The following FAM184A variants were observed in gnomAD, a reference collection of about 807,000 sequenced individuals.
FAM184A encodes protein FAM184A.
FAM184A carries 99 observed loss-of-function variants against 143.8 expected under a neutral mutation model. That is an observed-to-expected ratio of 0.69 (90% CI 0.58 to 0.81). The LOEUF (loss-of-function observed/expected upper bound fraction) is 0.81. Among genes scored for constraint, FAM184A ranks in the 40% least tolerant of loss-of-function variants. The pLI, the probability that FAM184A is intolerant of heterozygous loss-of-function variation, is 0.00. For missense variants in FAM184A, 1,217 were observed against 1,310.5 expected (o/e 0.93, Z 1.10); for synonymous variants, 427 against 446.4 (o/e 0.96, Z 0.55).
At chr6:118,997,216 C>T (rs1221859809) in intron 9 of FAM184A, among the ~76,000 whole-genome samples, 2 of 149,828 alleles carry the variant, frequency 1.3e-5, no homozygotes, top group Non-Finnish European at 1.5e-5. Flanking sequence ...GCCTGGCCAA[C>T]GTGGCAAAAC....
At position 118,983,433 on chromosome 6, in the gene FAM184A, A is replaced by G. The variant is rs77321407; in HGVS notation, c.2089-3083T>C. ...GGCAATTTTGGTAAGTATTTTTATT[A>G]CAGAATTATAGAATATCTAGAAAGG... On this transcript the variant is annotated intron_variant, in intron 9 of 17. Coordinates refer to ENST00000338891, the MANE Select transcript of FAM184A (RefSeq NM_024581.6). Among the ~76,000 whole-genome samples, 261 of 152,302 alleles carry G rather than the reference A, an allele frequency of 1.7e-3. 2 individuals carry two copies. The East Asian group carries it at 0.044, about 26-fold the overall frequency.
chr6:119,028,183 C>G (rs1019182243), intron 1 of FAM184A, among the ~76,000 whole-genome samples: 7 of 152,194 alleles, frequency 4.6e-5, no homozygotes, highest in African/African-American at 7.2e-5. Flanking sequence ...CTGGTCCCCC[C>G]CTGCTTAGCA....
At chr6:118,984,148 TTA>T (rs1491179576) in intron 9 of FAM184A, among the ~76,000 whole-genome samples, 1 of 59,458 alleles carries the variant, frequency 1.7e-5, no homozygotes, top group Middle Eastern at 7.2e-3. Flanking sequence ...GAAACTCCAT[TTA>T]AAAAAAAAAT....
In FAM184A at chr6:118,961,810, T is replaced by G; in HGVS notation, c.3292A>C (p.Lys1098Gln). ...PVHDIEFNSS[K>Q]PLPQPVPPKG... is the part of the protein sequence containing the mutation. The stretch of plus-strand genomic sequence containing the variant: ...GGTGGCACTGGCTGTGGAAGTGGTT[T>G]GCTGCTGTTGAACTCAATATCGTGG... The change falls in exon 17 of 18, where the codon AAA becomes CAA. Residue 1098 changes from lysine (K) to glutamine (Q), a missense_variant. Physicochemically the swap from Lys to Gln is moderately conservative, Grantham distance 53. Transcript: ENST00000338891. 6.2e-7 allele frequency: 1 copy of G among 1,613,936 alleles called. No homozygotes were observed. Among genetic ancestry groups the G allele is most frequent in the Non-Finnish European group, 8.5e-7 (1 of 1,179,866 alleles).
chr6:119,038,697 A>G (rs1786203916), intron 1 of FAM184A, among the ~76,000 whole-genome samples: 1 of 152,178 alleles, frequency 6.6e-6, no homozygotes, highest in Non-Finnish European at 1.5e-5. Flanking sequence ...TGGAGTAGCC[A>G]TTATTTTATT....
chr6:119,015,731 A>C (rs1785226341), intron 5 of FAM184A, among the ~76,000 whole-genome samples: 1 of 152,246 alleles, frequency 6.6e-6, no homozygotes. Context: ...CGGAACTGGC[A>C]GGCAGCTCCA....
chr6:119,011,437 A>G lies in FAM184A; in HGVS notation c.1531-6T>C, dbSNP rs745813164. 4.0e-6 allele frequency: 6 copies of G among 1,495,698 alleles called. No individual in the cohort carries two copies. The Admixed American group carries it at 1.3e-4, about 33-fold the overall frequency. The allele number at this position is 1,495,698 out of a possible 1,614,324, so 92.7% of individuals were successfully genotyped here. ...TTATGTTGTTCTTCCAAATCCTTAGAAAAAGAAATTTTTTAAAAATTAACA... is the reference window on the plus strand; with the variant it reads ...TTATGTTGTTCTTCCAAATCCTTAGGAAAAGAAATTTTTTAAAAATTAACA... On this transcript the variant is annotated splice_polypyrimidine_tract_variant and splice_region_variant and intron_variant, in intron 5 of 17. Transcript: ENST00000338891.
Position 119,078,191 on chromosome 6 carries a change from T to G in FAM184A, c.109A>C (p.Ser37Arg). ...CTCATTTTCAGGTGCATCTCCTGGC[T>G]GTAGTCCATGCTGTGCCCAGCCAGC... ...AQLAGHSMDYSQEMHLKMSKK... is the reference protein window; with the variant it reads ...AQLAGHSMDYRQEMHLKMSKK... The change falls in exon 1 of 18, where the codon AGC (serine) becomes CGC (arginine). Residue 37 changes from serine (S) to arginine (R), a missense_variant. By Grantham distance (110) the Ser-to-Arg change is moderately radical. Coordinates refer to ENST00000338891, the MANE Select transcript of FAM184A (RefSeq NM_024581.6). This position sits in a 1 kb window ranked among gnomAD's most constrained non-coding sequence, Gnocchi z 5.5. The G allele has an allele frequency of 1.3e-6, 2 of 1,586,610 alleles. No individual in the cohort carries two copies. The highest frequency in any genetic ancestry group is 1.7e-6 in the Non-Finnish European group (2 of 1,168,682).
intron 9 of FAM184A, among the ~76,000 whole-genome samples, chr6:118,995,335 C>T (rs1784513701): frequency 6.6e-6 from 1 of 152,100 alleles, no homozygotes; most frequent in Non-Finnish European, 1.5e-5. Context: ...GGGAGGATCA[C>T]TTGAGCCTGA....
At position 118,970,304 on chromosome 6, in the gene FAM184A, C is replaced by T. The variant is rs557515906; in HGVS notation, c.2916-3352G>A. Among the ~76,000 whole-genome samples, 88 of 151,794 alleles carry T rather than the reference C, an allele frequency of 5.8e-4. No individual in the cohort carries two copies. The Middle Eastern group carries it at 0.01, about 18-fold the overall frequency. On this transcript the variant is annotated intron_variant, in intron 14 of 17. Transcript: ENST00000338891. ...ACAGGCATGAGCCACTGTGCCCAGCCGGGTCTGTATATCTTAAATTGCCTT... is the reference window on the plus strand; with the variant it reads ...ACAGGCATGAGCCACTGTGCCCAGCTGGGTCTGTATATCTTAAATTGCCTT...
intron 2 of FAM184A, 132 bp downstream of exon 2, chr6:119,023,827 A>T: frequency 1.6e-6 from 1 of 629,164 alleles, no homozygotes; most frequent in Non-Finnish European, 2.4e-6. Flanking sequence ...AAAGTTAAAA[A>T]AAAAAAAAAA....
intron 1 of FAM184A, among the ~76,000 whole-genome samples, chr6:119,036,960 G>A (rs1363810556): frequency 2.0e-5 from 3 of 152,160 alleles, no homozygotes; most frequent in South Asian, 2.1e-4. Context: ...CAAGAACTAC[G>A]AGGAAAGCAA....
chr6:118,970,008 A>ATATATT, intron 14 of FAM184A, among the ~76,000 whole-genome samples: 1 of 19,054 alleles, frequency 5.2e-5, no homozygotes, highest in Non-Finnish European at 1.1e-4. Flanking sequence ...ATATATATAT[A>ATATATT]TTTTTTTTTT....
chr6:119,029,873 T>C (rs1263434519), intron 1 of FAM184A, among the ~76,000 whole-genome samples: 1 of 152,148 alleles, frequency 6.6e-6, no homozygotes, highest in Non-Finnish European at 1.5e-5. Context: ...GTATTGCCTA[T>C]AGCTGCTTTC....
Position 119,024,329 on chromosome 6 carries a change from C to A in FAM184A, c.644G>T (p.Gly215Val), listed in dbSNP as rs750322705. ...GTGTAGTTCCTCTGCCTTTTCCTGG[C>A]CTTTATTTACTGAGGCACTGTGATC... ...QQDHSASVNK[G>V]QEKAEELHRM... The change falls in exon 2 of 18, where the codon GGC (glycine) becomes GTC (valine). Residue 215 changes from glycine to valine, a missense_variant. Transcript: ENST00000338891. 13 of 1,614,152 alleles carry A rather than the reference C, an allele frequency of 8.1e-6. No homozygotes were observed. In the South Asian group the frequency reaches 1.4e-4, roughly 18 times the overall value.
chr6:119,031,485 G>C (rs1785869693), intron 1 of FAM184A: 1 of 152,274 alleles, frequency 6.6e-6, no homozygotes, highest in South Asian at 2.1e-4. Flanking sequence ...CTGCTACCTT[G>C]ATCTTGGACT....
Position 119,024,540 on chromosome 6 carries a change from C to A in FAM184A, c.433G>T (p.Ala145Ser), listed in dbSNP as rs762399764. 2.5e-6 allele frequency: 4 copies of A among 1,614,082 alleles called. No homozygotes were observed. Among genetic ancestry groups the A allele is most frequent in the Admixed American group, 3.3e-5 (2 of 59,988 alleles). Residue 145 changes from alanine to serine, a missense_variant, in exon 2 of 18, where the codon GCC becomes TCC. Transcript: ENST00000338891. ...RVEDMQLCAEAQHVQRIVTMS... is the reference protein window; with the variant it reads ...RVEDMQLCAESQHVQRIVTMS... ...GTCACTATGCGTTGGACATGCTGGG[C>A]TTCTGCACAAAGTTGCATGTCCTCA...
chr6:119,094,419 C>T (rs1217580777), intron 1 of FAM184A, among the ~76,000 whole-genome samples: 1 of 152,180 alleles, frequency 6.6e-6, no homozygotes. Context: ...ATTACCATTG[C>T]CCCCTTTCAT....
chr6:119,099,488 C>T (rs1201314654), intron 1 of FAM184A, among the ~76,000 whole-genome samples: 1 of 152,168 alleles, frequency 6.6e-6, no homozygotes, highest in African/African-American at 2.4e-5. Context: ...GGAGTCCCTG[C>T]TCCATCTCAA....
Sources: allele counts gnomAD v4.1 joint callset (sites outside exome capture counted in the v4.1 genomes callset), GRCh38; gene constraint gnomAD v4.1.1; non-coding constraint Gnocchi (gnomAD v3.1); transcripts MANE v1.5; gene names NCBI Gene and HGNC (gene_info 2026-07-23, HGNC 2026-07-21).